CNTNAP2: variants seen among roughly 807,000 people sequenced by gnomAD.
The protein encoded by CNTNAP2 is contactin associated protein 2, also known as contactin-associated protein-like 2.
A neutral mutation model predicts 155.2 loss-of-function variants in CNTNAP2; 98 were observed. That is an observed-to-expected ratio of 0.63 (90% CI 0.54 to 0.75). The LOEUF (loss-of-function observed/expected upper bound fraction) is 0.75, where lower values mean the gene tolerates loss of function less well. CNTNAP2 is among the 30% of genes least tolerant of loss of function. The pLI is 0.00. For synonymous variants in CNTNAP2, 651 were observed against 631.2 expected (o/e 1.03, Z -0.47); for missense variants, 1,727 against 1,688.1 (o/e 1.02, Z -0.40).
At chr7:148,336,165 C>T (rs555481683) in intron 21 of CNTNAP2, among the ~76,000 whole-genome samples, 2 of 152,128 alleles carry the variant, frequency 1.3e-5, no homozygotes, top group African/African-American at 4.8e-5. Flanking sequence ...TCAGAATTGT[C>T]TTTGATTGGT....
At chr7:148,040,841 AT>A (rs59433735) in intron 15 of CNTNAP2, among the ~76,000 whole-genome samples, 172 of 149,844 alleles carry the variant, frequency 1.1e-3, no homozygotes, top group Non-Finnish European at 1.3e-3. Flanking sequence ...AAGAGAGCAA[AT>A]TTTTTTTTTT....
chr7:148,221,629 G>T (rs539523650), intron 19 of CNTNAP2, among the ~76,000 whole-genome samples: 1 of 152,274 alleles, frequency 6.6e-6, no homozygotes, highest in East Asian at 1.9e-4. Flanking sequence ...CATCAGTAAG[G>T]TCTACGCCAA....
In CNTNAP2 at chr7:146,339,877, A is replaced by G. The variant is rs541547433; in HGVS notation, c.97+222904A>G. ...AGTAATATAATGTTATTAAATACAT[A>G]AAATGAAATACAGCGGGGCATGGTG... On this transcript the variant is annotated intron_variant, in intron 1 of 23. Transcript: ENST00000361727. 1.4e-3 allele frequency among the ~76,000 whole-genome samples: 218 copies of G among 152,322 alleles called. 1 individual carries two copies. Among genetic ancestry groups the G allele is most frequent in the African/African-American group, 5.1e-3 (211 of 41,578 alleles).
At chr7:146,491,939 C>G (rs1187773306) in intron 1 of CNTNAP2, among the ~76,000 whole-genome samples, 1 of 151,796 alleles carries the variant, frequency 6.6e-6, no homozygotes, top group East Asian at 1.9e-4. Flanking sequence ...TATCCTTGAT[C>G]TAAAGATATG....
chr7:147,318,473 A>G (rs184257854), intron 9 of CNTNAP2, among the ~76,000 whole-genome samples: 124 of 152,296 alleles, frequency 8.1e-4, no homozygotes, highest in Non-Finnish European at 1.4e-3. Context: ...TTATAAGACA[A>G]AAATTTAAAG....
At chr7:146,199,209 A>G (rs778864101) in intron 1 of CNTNAP2, among the ~76,000 whole-genome samples, 9 of 152,156 alleles carry the variant, frequency 5.9e-5, no homozygotes, top group Admixed American at 1.3e-4. Context: ...CCTCTTAGAG[A>G]TAGAATCCAG....
intron 21 of CNTNAP2, among the ~76,000 whole-genome samples, chr7:148,367,827 A>ATT (rs896114436): frequency 2.4e-4 from 36 of 152,132 alleles, no homozygotes; most frequent in African/African-American, 8.4e-4. Context: ...GAGAAAATGT[A>ATT]TTTTCTTCGA....
At chr7:148,206,779 A>T (rs1438652469) in intron 18 of CNTNAP2, among the ~76,000 whole-genome samples, 1 of 152,216 alleles carries the variant, frequency 6.6e-6, no homozygotes, top group Admixed American at 6.5e-5. Context: ...TTTCCCAAAC[A>T]CCATGCTGCT....
At chr7:147,377,055 T>C (rs901348612) in intron 9 of CNTNAP2, among the ~76,000 whole-genome samples, 26 of 152,004 alleles carry the variant, frequency 1.7e-4, no homozygotes, top group African/African-American at 6.3e-4. Flanking sequence ...AATAGTTCTG[T>C]CTTTTCAGTA....
At chr7:147,950,109 G>A (rs1800899686) in intron 14 of CNTNAP2, among the ~76,000 whole-genome samples, 1 of 151,946 alleles carries the variant, frequency 6.6e-6, no homozygotes, top group African/African-American at 2.4e-5. Context: ...ATCCTGGGGG[G>A]TGTTTCACAC....
At chr7:146,551,367 C>A (rs1177726919) in intron 1 of CNTNAP2, among the ~76,000 whole-genome samples, 1 of 151,986 alleles carries the variant, frequency 6.6e-6, no homozygotes, top group African/African-American at 2.4e-5. Context: ...CAATTCCCAC[C>A]TATGAGTGAG....
intron 8 of CNTNAP2, among the ~76,000 whole-genome samples, chr7:147,157,469 CA>C (rs899830803): frequency 6.6e-6 from 1 of 152,056 alleles, no homozygotes; most frequent in Non-Finnish European, 1.5e-5. Flanking sequence ...TTTTTCAGAA[CA>C]ATTGTCAAGT....
chr7:146,588,006 A>ATG (rs370352120), intron 1 of CNTNAP2, among the ~76,000 whole-genome samples: 31,534 of 148,678 alleles, frequency 0.21, 3,658 homozygotes, highest in East Asian at 0.53. Flanking sequence ...CCGTGTGTGT[A>ATG]TGTGTGTGTG....
At chr7:147,447,143 G>T (rs147095634) in intron 10 of CNTNAP2, among the ~76,000 whole-genome samples, 122 of 152,200 alleles carry the variant, frequency 8.0e-4, no homozygotes, top group Non-Finnish European at 1.0e-3. Context: ...TAGATAAGGG[G>T]CGCTTATTTC....
chr7:146,603,651 C>T (rs964716300), intron 1 of CNTNAP2, among the ~76,000 whole-genome samples: 13 of 151,028 alleles, frequency 8.6e-5, no homozygotes, highest in African/African-American at 2.9e-4. Context: ...CTGGAGGAAT[C>T]ACACTACCTG....
Position 148,037,222 on chromosome 7 carries a change from C to A in CNTNAP2, c.2383+59233C>A, listed in dbSNP as rs566022901. ...TTGTGAGTTTTCAGAAAGCAGAAGT[C>A]ACTTATATCTTGCTCCCCTCCCCCA... On this transcript the variant is annotated intron_variant, in intron 15 of 23. Coordinates refer to ENST00000361727, the MANE Select transcript of CNTNAP2 (RefSeq NM_014141.6). 2.6e-5 allele frequency among the ~76,000 whole-genome samples: 4 copies of A among 152,288 alleles called. No homozygotes were observed. The South Asian group carries it at 6.2e-4, about 24-fold the overall frequency.
intron 20 of CNTNAP2, among the ~76,000 whole-genome samples, chr7:148,257,133 G>T (rs889771569): frequency 6.6e-6 from 1 of 151,988 alleles, no homozygotes; most frequent in African/African-American, 2.4e-5. Context: ...CAGGGGCAAG[G>T]TCTAGGCGAG....
intron 14 of CNTNAP2, among the ~76,000 whole-genome samples, chr7:147,966,967 T>G (rs944523448): frequency 6.6e-6 from 1 of 151,516 alleles, no homozygotes; most frequent in African/African-American, 2.4e-5. Flanking sequence ...CACCGAGAAG[T>G]CCTAGACTAT....
Position 148,141,734 on chromosome 7 carries a change from G to A in CNTNAP2, c.2555-5757G>A, listed in dbSNP as rs575762477. Among the ~76,000 whole-genome samples, 6 of 152,222 alleles carry A rather than the reference G, an allele frequency of 3.9e-5. No homozygotes were observed. The East Asian group carries it at 1.2e-3, about 29-fold the overall frequency. On this transcript the variant is annotated intron_variant, in intron 16 of 23. Coordinates refer to ENST00000361727, the MANE Select transcript of CNTNAP2 (RefSeq NM_014141.6). Reference sequence around the variant, plus strand: ...TAAAAATCAGGATTAAAGGGGAAAGGACAGCTGAGAGCGAAGTTTGTTATT... The same window carrying A: ...TAAAAATCAGGATTAAAGGGGAAAGAACAGCTGAGAGCGAAGTTTGTTATT...
Sources: gnomAD v4.1 joint callset for allele counts (sites outside exome capture counted in the v4.1 genomes callset) on GRCh38, gnomAD v4.1.1 for gene constraint, MANE v1.5 for transcripts, NCBI Gene and HGNC (gene_info 2026-07-23, HGNC 2026-07-21) for gene names.